The following ANGEL1 variants were observed in gnomAD, a reference collection of about 807,000 sequenced individuals.
ANGEL1 encodes the protein RNA 2',3'-cyclic phosphatase ANGEL1.
In ANGEL1, 62 loss-of-function variants were observed where a neutral mutation model predicts 76.4. That is an observed-to-expected ratio of 0.81 (90% CI 0.66 to 1.00). The LOEUF (loss-of-function observed/expected upper bound fraction) is 1.00, where lower values mean the gene tolerates loss of function less well. Ranked by LOEUF, ANGEL1 falls within the 50% of genes least tolerant of loss-of-function variation. ANGEL1 has a pLI of 0.00. For missense variants in ANGEL1, 737 were observed against 836.7 expected (o/e 0.88, Z 1.47); for synonymous variants, 340 against 331.7 (o/e 1.03, Z -0.27).
chr14:76,800,098 A>G (rs1894717468), intron 7 of ANGEL1, among the ~76,000 whole-genome samples: 1 of 152,078 alleles, frequency 6.6e-6, no homozygotes, highest in Non-Finnish European at 1.5e-5. Flanking sequence ...CCCCTATAGA[A>G]TGAGTCTTTT....
intron 7 of ANGEL1, among the ~76,000 whole-genome samples, chr14:76,797,674 C>A (rs1452487891): frequency 6.6e-6 from 1 of 152,164 alleles, no homozygotes; most frequent in Admixed American, 6.5e-5. Context: ...GACCAGATAG[C>A]CTTAGCCTTT....
intron 1 of ANGEL1, 24 bp from the exon 2 acceptor site, chr14:76,809,667 G>A (rs1298378364): frequency 6.3e-7 from 1 of 1,591,544 alleles, no homozygotes; most frequent in Non-Finnish European, 8.6e-7. Context: ...CAAAATACCA[G>A]GTTATAAGAC....
In ANGEL1 at chr14:76,788,400, C is replaced by A. The variant is rs1192561366; in HGVS notation, c.*828G>T. The A allele has an allele frequency of 6.6e-6, 1 of 152,338 alleles. No homozygotes were observed. Among genetic ancestry groups the A allele is most frequent in the Non-Finnish European group, 1.5e-5 (1 of 68,116 alleles). The allele number at this position is 152,338 out of a possible 1,614,324, so 9.4% of individuals were successfully genotyped here. A position where few individuals can be genotyped will look rare whatever the true frequency, so the allele number is the denominator to read the frequency against. On this transcript the variant is annotated 3_prime_UTR_variant, in exon 10 of 10. Transcript: ENST00000251089. Reference sequence around the variant, plus strand: ...AATGAACCCCACATAAGGGTTCAAACTTCCGCCTCCCTCAGGGAAGCCTGG... The same window carrying A: ...AATGAACCCCACATAAGGGTTCAAAATTCCGCCTCCCTCAGGGAAGCCTGG...
At chr14:76,808,399 T>C (rs182549913) in intron 2 of ANGEL1, among the ~76,000 whole-genome samples, 19 of 152,286 alleles carry the variant, frequency 1.2e-4, no homozygotes, top group Admixed American at 1.0e-3. Context: ...AGATGCTCCA[T>C]ATATGGAAGC....
rs1392115678 is a variant in ANGEL1, at chr14:76,793,736, T to A, written c.1619-2370A>T. Among the ~76,000 whole-genome samples, 4 of 151,090 alleles carry A rather than the reference T, an allele frequency of 2.6e-5. No homozygotes were observed. The East Asian group carries it at 5.9e-4, about 22-fold the overall frequency. ...TTATCCATGGGGGATACATACCGAG[T>A]CCCCCAGCGGATGCCTGAAACAATG... On this transcript the variant is annotated intron_variant, in intron 7 of 9. Transcript: ENST00000251089.
chr14:76,802,794 T>G (rs1356592467), intron 7 of ANGEL1, among the ~76,000 whole-genome samples: 1 of 152,214 alleles, frequency 6.6e-6, no homozygotes, highest in Non-Finnish European at 1.5e-5. Flanking sequence ...CTAGCACCCC[T>G]GCACGATCTC....
chr14:76,807,580 C>T, intron 3 of ANGEL1, 78 bp from the exon 4 acceptor site: 1 of 1,439,870 alleles, frequency 6.9e-7, no homozygotes, highest in Non-Finnish European at 9.7e-7. Flanking sequence ...GGTCCTGAGG[C>T]CAGGTGGGAA....
Position 76,812,806 on chromosome 14 carries a change from A to T in ANGEL1, c.22T>A (p.Tyr8Asn). 1 of 1,521,010 alleles carries T rather than the reference A, an allele frequency of 6.6e-7. No individual in the cohort carries two copies. Among genetic ancestry groups the T allele is most frequent in the Non-Finnish European group, 8.8e-7 (1 of 1,139,192 alleles). The allele number at this position is 1,521,010 out of a possible 1,614,324, so 94.2% of individuals were successfully genotyped here. A position where few individuals can be genotyped will look rare whatever the true frequency, so the allele number is the denominator to read the frequency against. Residue 8 changes from tyrosine to asparagine, a missense_variant, in exon 1 of 10, where the codon TAC becomes AAC. By Grantham distance (143) the Tyr-to-Asn change is moderately radical. This residue lies in a region of ANGEL1 where 441 missense variants were observed against 449.5 expected (regional missense o/e 0.98). Coordinates refer to ENST00000251089, the MANE Select transcript of ANGEL1 (RefSeq NM_015305.4). MIASCLC[Y>N]LLLPATRLFR... ...AGGCGCGTGGCCGGCAGCAGCAGGT[A>T]ACACAAGCACGACGCGATCATGGCC...
intron 7 of ANGEL1, among the ~76,000 whole-genome samples, chr14:76,794,617 G>A (rs1894520762): frequency 6.6e-6 from 1 of 150,572 alleles, no homozygotes; most frequent in South Asian, 2.1e-4. Context: ...GTTGCAGTGA[G>A]CCGAGATCAT....
intron 7 of ANGEL1, among the ~76,000 whole-genome samples, chr14:76,798,995 A>G (rs1286116745): frequency 6.6e-6 from 1 of 151,886 alleles, no homozygotes. Flanking sequence ...TAAGAATCAC[A>G]ATGTATTTTA....
intron 7 of ANGEL1, among the ~76,000 whole-genome samples, chr14:76,796,240 AT>A (rs963242473): frequency 4.1e-4 from 61 of 147,274 alleles, no homozygotes; most frequent in African/African-American, 1.5e-3. Flanking sequence ...AGTTCATAGT[AT>A]TTTTTTTCTT....
rs150078735 is a variant in ANGEL1, at chr14:76,807,504, T to G, written c.877-2A>C. 104 of 1,613,250 alleles carry G rather than the reference T, an allele frequency of 6.4e-5. No homozygotes were observed. Among genetic ancestry groups the G allele is most frequent in the Non-Finnish European group, 8.6e-5 (102 of 1,179,768 alleles). On this transcript the variant is annotated splice_acceptor_variant, in intron 3 of 9. Coordinates refer to ENST00000251089, the MANE Select transcript of ANGEL1 (RefSeq NM_015305.4). LOFTEE classifies it high-confidence loss of function. ...CTGGACTTCCTGGAGACACAGGATC[T>G]GGGAAATTGACAAGAAACCCAATCA...
rs566863856 is a variant in ANGEL1 at position 76,812,513 on chromosome 14, C to T, written c.64+251G>A. 1.3e-5 allele frequency: 16 copies of T among 1,242,456 alleles called. No individual in the cohort carries two copies. In the African/African-American group the frequency reaches 1.6e-4, roughly 12 times the overall value. The allele number at this position is 1,242,456 out of a possible 1,614,324, so 77.0% of individuals were successfully genotyped here. A position where few individuals can be genotyped will look rare whatever the true frequency, so the allele number is the denominator to read the frequency against. On this transcript the variant is annotated intron_variant, in intron 1 of 9. Coordinates refer to ENST00000251089, the MANE Select transcript of ANGEL1 (RefSeq NM_015305.4). ...CGTCCACAGCTCCTCTCCACCTTAACCGCGGCCGGACGCCATCTGACAACA... is the reference window on the plus strand; with the variant it reads ...CGTCCACAGCTCCTCTCCACCTTAATCGCGGCCGGACGCCATCTGACAACA...
rs1250475008 is a variant in ANGEL1 at position 76,809,099 on chromosome 14, C to T, written c.609G>A (p.Leu203=). 1.2e-6 allele frequency: 2 copies of T among 1,614,044 alleles called. No homozygotes were observed. The highest frequency in any genetic ancestry group is 1.1e-5 in the South Asian group (1 of 91,072). The part of the protein sequence containing the change: ...EEASIWPFEG[L]GQLQPPAVEI... ...CCACTGCGGGAGGCTGCAACTGCCC[C>T]AGGCCCTCAAAGGGCCAGATGGAAG... is the stretch of plus-strand genomic sequence containing the variant. Residue 203 remains leucine, a synonymous_variant, in exon 2 of 10, where the codon CTG becomes CTA. Coordinates refer to ENST00000251089, the MANE Select transcript of ANGEL1 (RefSeq NM_015305.4).
Position 76,807,965 on chromosome 14 carries a change from C to T in ANGEL1, c.833G>A (p.Arg278His), listed in dbSNP as rs781341904. ...CHPDILNWNY[R>H]FVNLMQEFQH... ...GAATTCCTGCATGAGGTTCACGAAG[C>T]GATAGTTCCAATTGAGGATGTCTGG... Residue 278 changes from arginine to histidine, a missense_variant, in exon 3 of 10, where the codon CGC (arginine) becomes CAC (histidine). Transcript: ENST00000251089. 34 of 1,614,016 alleles carry T rather than the reference C, an allele frequency of 2.1e-5. No individual in the cohort carries two copies. In the East Asian group the frequency reaches 2.5e-4, roughly 12 times the overall value.
chr14:76,798,127 CTTTG>C (rs1297692005), intron 7 of ANGEL1, among the ~76,000 whole-genome samples: 3 of 79,410 alleles, frequency 3.8e-5, no homozygotes, highest in Non-Finnish European at 7.9e-5. Context: ...TTGCCAGTGC[CTTTG>C]TTTTTTTTTT....
intron 7 of ANGEL1, among the ~76,000 whole-genome samples, chr14:76,802,024 T>C (rs61989360): frequency 6.6e-6 from 1 of 151,562 alleles, no homozygotes; most frequent in African/African-American, 2.4e-5. Context: ...AAAAAAAAAT[T>C]AGCCAGGCGT....
intron 7 of ANGEL1, 33 bp downstream of exon 7, chr14:76,803,335 AAAG>A: frequency 1.3e-6 from 2 of 1,553,790 alleles, no homozygotes; most frequent in South Asian, 1.1e-5. Flanking sequence ...AATGAGGAAG[AAAG>A]AAGACCAAGA....
Position 76,803,495 on chromosome 14 carries a change from A to G in ANGEL1, c.1508-14T>C, listed in dbSNP as rs761868848. 1.9e-6 allele frequency: 3 copies of G among 1,613,004 alleles called. No individual in the cohort carries two copies. Among genetic ancestry groups the G allele is most frequent in the Non-Finnish European group, 2.5e-6 (3 of 1,178,956 alleles). On this transcript the variant is annotated splice_polypyrimidine_tract_variant and intron_variant, in intron 6 of 9. Transcript: ENST00000251089. ...ACTTGCGTCTCTCTGTAAACCAGGA[A>G]AAGACATATAGTGAAAGAAAGACGA...
Sources: allele counts gnomAD v4.1 joint callset (sites outside exome capture counted in the v4.1 genomes callset), GRCh38; gene constraint gnomAD v4.1.1; regional missense constraint gnomAD v4.1.1; transcripts MANE v1.5; gene names NCBI Gene and HGNC (gene_info 2026-07-23, HGNC 2026-07-21).